EPB41L3: variants seen among roughly 807,000 people sequenced by gnomAD.
The protein encoded by EPB41L3 is erythrocyte membrane protein band 4.1 like 3.
EPB41L3 carries 57 observed loss-of-function variants against 127.1 expected under a neutral mutation model. The observed-to-expected ratio is 0.45, with a 90% confidence interval of 0.36 to 0.56. The LOEUF (loss-of-function observed/expected upper bound fraction) is 0.56, where lower values mean the gene tolerates loss of function less well. Among genes scored for constraint, EPB41L3 ranks in the 20% least tolerant of loss-of-function variants. The pLI is 0.00. For missense variants in EPB41L3, 1,273 were observed against 1,372.2 expected (o/e 0.93, Z 1.14); for synonymous variants, 572 against 549.5 (o/e 1.04, Z -0.57).
intron 16 of EPB41L3, among the ~76,000 whole-genome samples, chr18:5,404,962 T>C (rs529788449): frequency 6.6e-6 from 1 of 152,324 alleles, no homozygotes; most frequent in Non-Finnish European, 1.5e-5. Context: ...GTGAAATTTG[T>C]CTCTTGAAAC....
chr18:5,525,258 CA>C (rs1164110951), intron 1 of EPB41L3, among the ~76,000 whole-genome samples: 1 of 152,102 alleles, frequency 6.6e-6, no homozygotes, highest in African/African-American at 2.4e-5. Flanking sequence ...CCCAGACAGC[CA>C]AAGCAACCAG....
chr18:5,584,868 C>T (rs1358102769), intron 3 of EPB41L3, among the ~76,000 whole-genome samples: 1 of 152,070 alleles, frequency 6.6e-6, no homozygotes, highest in Admixed American at 6.5e-5. Context: ...CATACAGCTT[C>T]AAAGAGAAGA....
In EPB41L3 at chr18:5,543,674, C is replaced by A. The variant is rs1165729974; in HGVS notation, c.-12+239G>T. ...CACTACTGCGCCGCGGCGGGCGGAG[C>A]GGGCGGGGGGCGCGGCGCGCAGGCT... is the stretch of plus-strand genomic sequence containing the variant. On this transcript the variant is annotated intron_variant, in intron 1 of 22. Transcript: ENST00000341928. This position sits in a 1 kb window ranked among gnomAD's most constrained non-coding sequence, Gnocchi z 5.2. 4.1e-5 allele frequency among the ~76,000 whole-genome samples: 6 copies of A among 144,632 alleles called. No homozygotes were observed. The highest frequency in any genetic ancestry group is 1.5e-4 in the African/African-American group (6 of 40,126). 94.9% of individuals were successfully genotyped at this position (144,632 alleles called of 152,430 possible).
intron 3 of EPB41L3, among the ~76,000 whole-genome samples, chr18:5,606,249 A>G (rs1423539597): frequency 6.6e-6 from 1 of 152,216 alleles, no homozygotes; most frequent in East Asian, 1.9e-4. Context: ...AAGAGCAGCA[A>G]CACAGACATT....
intron 3 of EPB41L3, among the ~76,000 whole-genome samples, chr18:5,451,580 C>G (rs2082283289): frequency 6.6e-6 from 1 of 152,228 alleles, no homozygotes; most frequent in Admixed American, 6.5e-5. Context: ...AAGACATTTG[C>G]AATGGCATTG....
At chr18:5,462,808 A>C (rs1478745060) in intron 3 of EPB41L3, among the ~76,000 whole-genome samples, 1 of 152,202 alleles carries the variant, frequency 6.6e-6, no homozygotes, top group Non-Finnish European at 1.5e-5. Context: ...AAAGTCTACC[A>C]AATTGACATC....
intron 3 of EPB41L3, chr18:5,463,764 T>C (rs1316098305): frequency 1.3e-5 from 2 of 152,326 alleles, no homozygotes; most frequent in African/African-American, 4.8e-5. Context: ...GTGAACAACA[T>C]GATTTCTGCT....
At chr18:5,405,108 G>A (rs1278419380) in intron 16 of EPB41L3, among the ~76,000 whole-genome samples, 1 of 152,150 alleles carries the variant, frequency 6.6e-6, no homozygotes, top group Non-Finnish European at 1.5e-5. Context: ...AGCTAGGTTT[G>A]GGATTGTCAT....
chr18:5,431,773 T>C (rs1226780966), intron 8 of EPB41L3, among the ~76,000 whole-genome samples: 1 of 152,178 alleles, frequency 6.6e-6, no homozygotes, highest in Non-Finnish European at 1.5e-5. Flanking sequence ...TCTTTTAGCC[T>C]CTTAGGGGGA....
At chr18:5,591,786 G>A (rs1001920377) in intron 3 of EPB41L3, among the ~76,000 whole-genome samples, 1 of 152,130 alleles carries the variant, frequency 6.6e-6, no homozygotes, top group African/African-American at 2.4e-5. Context: ...AAAGTAAAGT[G>A]AAATCAACAA....
chr18:5,438,151 T>C (rs778287532), intron 5 of EPB41L3, 41 bp from the exon 6 acceptor site: 9 of 1,582,968 alleles, frequency 5.7e-6, no homozygotes, highest in Non-Finnish European at 7.8e-6. Flanking sequence ...CCTTGAGAAA[T>C]TCTTATGACT....
chr18:5,547,175 G>T (rs1050807566), upstream of EPB41L3, among the ~76,000 whole-genome samples: 3 of 152,194 alleles, frequency 2.0e-5, no homozygotes, highest in Non-Finnish European at 2.9e-5. Context: ...ATACAATTAT[G>T]ATTGAATTTG....
intron 3 of EPB41L3, among the ~76,000 whole-genome samples, chr18:5,592,559 T>C (rs533021750): frequency 6.6e-6 from 1 of 152,342 alleles, no homozygotes; most frequent in East Asian, 1.9e-4. Context: ...AGGAGTTCCT[T>C]TGCAGTCTTG....
chr18:5,507,545 A>G (rs942830635), intron 1 of EPB41L3, among the ~76,000 whole-genome samples: 2 of 152,208 alleles, frequency 1.3e-5, no homozygotes, highest in Non-Finnish European at 1.5e-5. Flanking sequence ...TAAGTTACGT[A>G]AACTCTCTAA....
intron 1 of EPB41L3, among the ~76,000 whole-genome samples, chr18:5,534,301 C>T (rs1234211611): frequency 6.6e-6 from 1 of 152,220 alleles, no homozygotes; most frequent in Non-Finnish European, 1.5e-5. Context: ...GTTAAACGCT[C>T]ATTTGACAAT....
intron 3 of EPB41L3, among the ~76,000 whole-genome samples, chr18:5,569,553 A>C (rs1403990355): frequency 6.6e-6 from 1 of 152,180 alleles, no homozygotes; most frequent in Admixed American, 6.5e-5. Flanking sequence ...GGTCTCCTTA[A>C]GGGCAAATGC....
In EPB41L3 at chr18:5,507,402, A is replaced by G. The variant is rs146635094; in HGVS notation, c.-11-18208T>C. ...AAGCCAAAAACACATTAAGATATTC[A>G]GACATTAATAAATGCCATTTATTAA... On this transcript the variant is annotated intron_variant, in intron 1 of 22. Transcript: ENST00000341928. Among the ~76,000 whole-genome samples, 378 of 152,298 alleles carry G rather than the reference A, an allele frequency of 2.5e-3. 6 individuals are homozygous for G. Among genetic ancestry groups the G allele is most frequent in the African/African-American group, 8.9e-3 (370 of 41,576 alleles).
intron 3 of EPB41L3, among the ~76,000 whole-genome samples, chr18:5,456,324 G>A (rs2083052801): frequency 6.6e-6 from 1 of 152,034 alleles, no homozygotes; most frequent in African/African-American, 2.4e-5. Context: ...GCAAGGCTGA[G>A]AATAAATAGA....
intron 3 of EPB41L3, among the ~76,000 whole-genome samples, chr18:5,604,674 G>A (rs538663174): frequency 1.1e-4 from 16 of 151,992 alleles, no homozygotes; most frequent in African/African-American, 2.2e-4. Context: ...GGCTGGTCTC[G>A]AACTTCTGGC....
Sources: allele counts gnomAD v4.1 joint callset (sites outside exome capture counted in the v4.1 genomes callset), GRCh38; gene constraint gnomAD v4.1.1; non-coding constraint Gnocchi (gnomAD v3.1); transcripts MANE v1.5; gene names NCBI Gene and HGNC (gene_info 2026-07-23, HGNC 2026-07-21).